The following CUX2 variants were observed in gnomAD, a reference collection of about 807,000 sequenced individuals.
CUX2 encodes cut like homeobox 2.
CUX2 carries 40 observed loss-of-function variants against 144.8 expected under a neutral mutation model. The observed-to-expected ratio is 0.28, with a 90% CI of 0.21 to 0.36. CUX2 has a LOEUF of 0.36. CUX2 is among the 10% of genes least tolerant of loss of function. The pLI is 1.00. For synonymous variants in CUX2, 827 were observed against 875.6 expected (o/e 0.94, Z 0.98); for missense variants, 1,615 against 1,994.0 (o/e 0.81, Z 3.62).
chr12:111,247,845 G>A (rs549452480), intron 3 of CUX2, among the ~76,000 whole-genome samples: 17 of 152,262 alleles, frequency 1.1e-4, no homozygotes, highest in East Asian at 7.7e-4. Context: ...TCCAAGAACC[G>A]TCTGTGGCCT....
At chr12:111,179,273 T>A (rs543871279) in intron 1 of CUX2, among the ~76,000 whole-genome samples, 1 of 152,242 alleles carries the variant, frequency 6.6e-6, no homozygotes, top group Non-Finnish European at 1.5e-5. Context: ...ACTTCCCCTC[T>A]CTGAGCCTTG....
In CUX2 at chr12:111,287,317, C is replaced by T. The variant is rs540177863; in HGVS notation, c.302-4101C>T. ...GCCGGATCCTCCCCCTCCTTGGAAC[C>T]GGAGCAAGCCCTCCGTGGCCCTGCG... On this transcript the variant is annotated intron_variant, in intron 4 of 21. Transcript: ENST00000261726. The surrounding 1 kb of genome is among the most constrained non-coding windows in gnomAD (Gnocchi z 4.2). 3.1e-3 allele frequency among the ~76,000 whole-genome samples: 474 copies of T among 152,386 alleles called. 4 individuals carry two copies. The highest frequency in any genetic ancestry group is 4.9e-3 in the Non-Finnish European group (330 of 68,040).
chr12:111,035,876 AC>A lies in CUX2; in HGVS notation c.63+1637del. Among the ~76,000 whole-genome samples the A allele has an allele frequency of 6.6e-6, 1 of 152,200 alleles. No homozygotes were observed. Among genetic ancestry groups the A allele is most frequent in the South Asian group, 2.1e-4 (1 of 4,820 alleles). ...GGCTACAGTTTGGTGGCCAACTGAG[AC>A]GGGCAGGGCTGCGAGCTGTGCCTGC... is the stretch of plus-strand genomic sequence containing the variant. On this transcript the variant is annotated intron_variant, in intron 1 of 21. Transcript: ENST00000261726. The surrounding 1 kb of genome is among the most constrained non-coding windows in gnomAD (Gnocchi z 6.0).
At chr12:111,218,285 G>A (rs149660436) in intron 3 of CUX2, among the ~76,000 whole-genome samples, 1,533 of 152,236 alleles carry the variant, frequency 0.01, 31 homozygotes, top group African/African-American at 0.035. Flanking sequence ...AGGCTGAAGT[G>A]GGAGGATCAC....
chr12:111,041,230 C>A (rs1352506482), intron 1 of CUX2, among the ~76,000 whole-genome samples: 1 of 152,224 alleles, frequency 6.6e-6, no homozygotes, highest in Non-Finnish European at 1.5e-5. Flanking sequence ...GAAGATCAAA[C>A]CACTTTGAAC....
chr12:111,288,206 T>G (rs1441504228), intron 4 of CUX2, among the ~76,000 whole-genome samples: 1 of 151,986 alleles, frequency 6.6e-6, no homozygotes, highest in African/African-American at 2.4e-5. Flanking sequence ...TGGCAAAGGT[T>G]CTCGTGCAAA....
chr12:111,156,985 CAAAAAA>C (rs1200398908), intron 1 of CUX2, among the ~76,000 whole-genome samples: 28 of 19,000 alleles, frequency 1.5e-3, no homozygotes, highest in South Asian at 4.1e-3. Flanking sequence ...AAACTTCTCT[CAAAAAA>C]AAAAAAAAAA....
chr12:111,062,865 A>C (rs1323633752), intron 1 of CUX2, among the ~76,000 whole-genome samples: 2 of 152,244 alleles, frequency 1.3e-5, no homozygotes, highest in East Asian at 3.9e-4. Context: ...GTGGGAGACC[A>C]TACCTCTGGC....
At chr12:111,089,640 G>A (rs1413683412) in intron 1 of CUX2, among the ~76,000 whole-genome samples, 1 of 152,220 alleles carries the variant, frequency 6.6e-6, no homozygotes, top group African/African-American at 2.4e-5. Context: ...GCAGGAGGCA[G>A]CATCGAAGCT....
At chr12:111,297,781 T>C (rs1886085871) in intron 8 of CUX2, among the ~76,000 whole-genome samples, 1 of 152,172 alleles carries the variant, frequency 6.6e-6, no homozygotes, top group African/African-American at 2.4e-5. Flanking sequence ...AGTGATACAT[T>C]TGTTCATTCA....
At chr12:111,329,753 A>G (rs1376791366) in intron 18 of CUX2, among the ~76,000 whole-genome samples, 1 of 152,146 alleles carries the variant, frequency 6.6e-6, no homozygotes, top group Non-Finnish European at 1.5e-5. Context: ...CTCCTGCCTC[A>G]GCCTCCAGAG....
intron 1 of CUX2, among the ~76,000 whole-genome samples, chr12:111,196,376 TG>T (rs1268988850): frequency 1.3e-5 from 2 of 152,234 alleles, no homozygotes; most frequent in Non-Finnish European, 2.9e-5. Context: ...GTGGAATTGC[TG>T]GGTCATAAGA....
intron 9 of CUX2, among the ~76,000 whole-genome samples, chr12:111,303,985 C>T (rs1475761152): frequency 6.6e-6 from 1 of 152,172 alleles, no homozygotes; most frequent in Non-Finnish European, 1.5e-5. Flanking sequence ...TTCTTCCTGT[C>T]CTCTCAGCTC....
intron 16 of CUX2, among the ~76,000 whole-genome samples, chr12:111,316,104 T>C (rs1193606172): frequency 6.6e-6 from 1 of 152,078 alleles, no homozygotes; most frequent in African/African-American, 2.4e-5. Flanking sequence ...TATGAGTTTT[T>C]TTTAATCGAG....
In CUX2 at chr12:111,035,181, CCCT is replaced by C. The variant is rs1219978576; in HGVS notation, c.63+943_63+945del. ...CCTCCTGCGTTTCTCCCCGCTGCTC[CCCT>C]CGTCTCCTCTCTCCCGTCTCTGCTT... On this transcript the variant is annotated intron_variant, in intron 1 of 21. Transcript: ENST00000261726. The surrounding 1 kb of genome is among the most constrained non-coding windows in gnomAD (Gnocchi z 6.0). Among the ~76,000 whole-genome samples, 1 of 152,332 alleles carries C rather than the reference CCCT, an allele frequency of 6.6e-6. No individual in the cohort carries two copies. Among genetic ancestry groups the C allele is most frequent in the East Asian group, 1.9e-4 (1 of 5,180 alleles).
intron 1 of CUX2, among the ~76,000 whole-genome samples, chr12:111,182,569 G>A (rs1362731932): frequency 2.6e-5 from 4 of 152,240 alleles, no homozygotes; most frequent in South Asian, 4.1e-4. Context: ...TGGAGAAGGC[G>A]GCTCAGGTGA....
intron 1 of CUX2, among the ~76,000 whole-genome samples, chr12:111,142,891 G>C (rs1245187344): frequency 6.6e-6 from 1 of 152,142 alleles, no homozygotes; most frequent in African/African-American, 2.4e-5. Flanking sequence ...GAAGCGATGT[G>C]CCAATCACAG....
intron 1 of CUX2, among the ~76,000 whole-genome samples, chr12:111,138,841 T>G (rs567088124): frequency 6.6e-6 from 1 of 152,144 alleles, no homozygotes; most frequent in Admixed American, 6.5e-5. Flanking sequence ...TCCCTCAAGT[T>G]GGGACTGCAC....
intron 1 of CUX2, among the ~76,000 whole-genome samples, chr12:111,196,971 A>T (rs906286823): frequency 1.3e-5 from 2 of 152,148 alleles, no homozygotes; most frequent in African/African-American, 4.8e-5. Flanking sequence ...CTGCATGTAC[A>T]GGAATATTGT....
Sources: gnomAD v4.1 joint callset for allele counts (sites outside exome capture counted in the v4.1 genomes callset) on GRCh38, gnomAD v4.1.1 for gene constraint, Gnocchi (gnomAD v3.1) non-coding constraint, MANE v1.5 for transcripts, NCBI Gene and HGNC (gene_info 2026-07-23, HGNC 2026-07-21) for gene names.